The following CNPY1 variants were observed in gnomAD, a reference collection of about 807,000 sequenced individuals.
The protein encoded by CNPY1 is protein canopy homolog 1.
CNPY1 carries 14 observed loss-of-function variants against 14.4 expected under a neutral mutation model. That is an observed-to-expected ratio of 0.97 (90% CI 0.64 to 1.52). CNPY1 has a LOEUF of 1.52. CNPY1 is among the 40% of genes most tolerant of loss of function. The pLI is 0.00. For missense variants in CNPY1, 129 were observed against 131.5 expected (o/e 0.98, Z 0.09); for synonymous variants, 43 against 46.5 (o/e 0.92, Z 0.31).
intron 2 of CNPY1, among the ~76,000 whole-genome samples, chr7:155,544,595 G>A (rs1797137371): frequency 6.6e-6 from 1 of 152,208 alleles, no homozygotes; most frequent in African/African-American, 2.4e-5. Context: ...CCCTGGCCCT[G>A]CTTGACAGTG....
chr7:155,522,662 T>C (rs1324776369), intron 2 of CNPY1, among the ~76,000 whole-genome samples: 4 of 151,824 alleles, frequency 2.6e-5, no homozygotes, highest in Admixed American at 2.6e-4. Context: ...CTCGTCTTCA[T>C]GGAGGTGCTG....
At chr7:155,534,511 C>G (rs1796999919) in intron 2 of CNPY1, among the ~76,000 whole-genome samples, 1 of 152,250 alleles carries the variant, frequency 6.6e-6, no homozygotes, top group Non-Finnish European at 1.5e-5. Context: ...AGTTTCCACC[C>G]TGGCCTGATG....
intron 4 of CNPY1, among the ~76,000 whole-genome samples, chr7:155,504,834 G>A (rs983393254): frequency 8.5e-5 from 13 of 152,142 alleles, no homozygotes; most frequent in Admixed American, 7.9e-4. Flanking sequence ...GAGTATGACT[G>A]TCATATTCTG....
At chr7:155,535,461 C>T (rs1256260564) in intron 2 of CNPY1, among the ~76,000 whole-genome samples, 2 of 152,070 alleles carry the variant, frequency 1.3e-5, no homozygotes, top group African/African-American at 4.8e-5. Context: ...CAATGGCAGC[C>T]GAACACACAC....
intron 2 of CNPY1, 45 bp downstream of exon 2, chr7:155,545,786 C>T (rs1213831956): frequency 1.0e-5 from 4 of 398,104 alleles, no homozygotes; most frequent in African/African-American, 8.2e-5. Context: ...TGGTAATTGC[C>T]CATATCCGCA....
At chr7:155,526,923 G>A (rs765223184) in intron 2 of CNPY1, among the ~76,000 whole-genome samples, 5 of 152,100 alleles carry the variant, frequency 3.3e-5, no homozygotes, top group South Asian at 2.1e-4. Flanking sequence ...AGGCTGCAGC[G>A]TCACTGTGTG....
chr7:155,509,291 G>A (rs998068735), intron 2 of CNPY1, among the ~76,000 whole-genome samples, 194 bp from the exon 3 acceptor site: 3 of 152,166 alleles, frequency 2.0e-5, no homozygotes, highest in Non-Finnish European at 2.9e-5. Flanking sequence ...TCATTACGGG[G>A]CTAGCGTAAA....
In CNPY1 at chr7:155,503,084, T is replaced by C. The variant is rs112187400; in HGVS notation, c.422A>G (p.Asn141Ser). 13 of 1,605,028 alleles carry C rather than the reference T, an allele frequency of 8.1e-6. No homozygotes were observed. The African/African-American group carries it at 9.7e-5, about 12-fold the overall frequency. Reference sequence around the variant, plus strand: ...ACGGCACTCCTAGAGCTCAGTATGATTAGCAGAAGTTTCACACAGATCTGG... The same window carrying C: ...ACGGCACTCCTAGAGCTCAGTATGACTAGCAGAAGTTTCACACAGATCTGG... ...EKSDLCETSA[N>S]HTEL Residue 141 changes from asparagine to serine, a missense_variant, in exon 5 of 5, where the codon AAT becomes AGT. Physicochemically the swap from Asn to Ser is conservative, Grantham distance 46. Coordinates refer to ENST00000636446, the MANE Select transcript of CNPY1 (RefSeq NM_001393663.1).
chr7:155,520,935 T>C (rs1354693967), intron 2 of CNPY1, among the ~76,000 whole-genome samples: 1 of 151,976 alleles, frequency 6.6e-6, no homozygotes, highest in Non-Finnish European at 1.5e-5. Flanking sequence ...AATATGAGCC[T>C]GGCCAAGATG....
intron 2 of CNPY1, chr7:155,510,389 G>A (rs1174872787): frequency 6.6e-6 from 1 of 152,218 alleles, no homozygotes; most frequent in African/African-American, 2.4e-5. Flanking sequence ...AAGCCACTTT[G>A]TCAAAACATT....
intron 2 of CNPY1, among the ~76,000 whole-genome samples, chr7:155,515,570 CGAG>C (rs1338708412): frequency 2.6e-5 from 4 of 152,030 alleles, no homozygotes; most frequent in African/African-American, 9.7e-5. Flanking sequence ...AGTCACAAAT[CGAG>C]AGGTGTGGAG....
intron 2 of CNPY1, among the ~76,000 whole-genome samples, chr7:155,527,858 G>T (rs1017991081): frequency 1.3e-5 from 2 of 152,200 alleles, no homozygotes; most frequent in African/African-American, 4.8e-5. Flanking sequence ...ACACACAGGG[G>T]TCCCGGCCGC....
intron 2 of CNPY1, among the ~76,000 whole-genome samples, chr7:155,530,794 C>T (rs529133970): frequency 6.6e-6 from 1 of 152,324 alleles, no homozygotes; most frequent in Non-Finnish European, 1.5e-5. Context: ...GTGGGGCCGC[C>T]CTGTGCACTG....
chr7:155,540,469 A>G (rs1430879232), intron 2 of CNPY1, among the ~76,000 whole-genome samples: 1 of 152,262 alleles, frequency 6.6e-6, no homozygotes, highest in African/African-American at 2.4e-5. Context: ...AGCTAATTAC[A>G]GTGGCCCAGT....
At position 155,501,517 on chromosome 7, in the gene CNPY1, G is replaced by A. The variant is rs901021264; in HGVS notation, c.*1551C>T. 5.3e-5 allele frequency: 8 copies of A among 152,162 alleles called. No homozygotes were observed. 9.4% of individuals were successfully genotyped at this position (152,162 alleles called of 1,614,324 possible). A position where few individuals can be genotyped will look rare whatever the true frequency, so the allele number is the denominator to read the frequency against. Reference sequence around the variant, plus strand: ...TCCTGTGAAGGTCACTAGGTTTTCAGGAATAATTGTCCTGTTTAGTGCATT... The same window carrying A: ...TCCTGTGAAGGTCACTAGGTTTTCAAGAATAATTGTCCTGTTTAGTGCATT... On this transcript the variant is annotated 3_prime_UTR_variant, in exon 5 of 5. Transcript: ENST00000636446.
intron 2 of CNPY1, among the ~76,000 whole-genome samples, chr7:155,527,418 T>TTTTGATAA (rs1280483222): frequency 6.7e-6 from 1 of 149,874 alleles, no homozygotes; most frequent in Non-Finnish European, 1.5e-5. Context: ...TCATGTGTTA[T>TTTTGATAA]TTTGATAATT....
intron 2 of CNPY1, among the ~76,000 whole-genome samples, chr7:155,527,054 C>CTTTCTTTCTTTCTTTCTTTT (rs56296833): frequency 0.021 from 1,900 of 90,256 alleles, 52 homozygotes; most frequent in Non-Finnish European, 0.025. Flanking sequence ...TTCTTTCTTT[C>CTTTCTTTCTTTCTTTCTTTT]TTTTTTTTTT....
chr7:155,510,063 T>C (rs942655614), intron 2 of CNPY1, among the ~76,000 whole-genome samples: 4 of 152,206 alleles, frequency 2.6e-5, no homozygotes, highest in Admixed American at 6.5e-5. Context: ...AGTAGGAAGT[T>C]TGCATGACAA....
At chr7:155,540,519 G>A (rs191212391) in intron 2 of CNPY1, among the ~76,000 whole-genome samples, 1 of 152,354 alleles carries the variant, frequency 6.6e-6, no homozygotes, top group African/African-American at 2.4e-5. Flanking sequence ...AAAGAAGCAT[G>A]AGGTGTTGGT....
Sources: gnomAD v4.1 joint callset for allele counts (sites outside exome capture counted in the v4.1 genomes callset) on GRCh38, gnomAD v4.1.1 for gene constraint, MANE v1.5 for transcripts, NCBI Gene and HGNC (gene_info 2026-07-23, HGNC 2026-07-21) for gene names.